CFAP299: variants seen among roughly 807,000 people sequenced by gnomAD.
CFAP299 encodes the protein cilia- and flagella-associated protein 299.
Under a neutral mutation model 27.0 loss-of-function variants are expected in CFAP299, and 21 were observed. That is an observed-to-expected ratio of 0.78 (90% CI 0.55 to 1.12). The LOEUF is 1.12. Among genes scored for constraint, CFAP299 ranks in the 50% most tolerant of loss-of-function variants. The probability of loss-of-function intolerance (pLI) is 0.00; values close to 1 mark genes in which losing one functional copy is unlikely to be tolerated. For missense variants in CFAP299, 310 were observed against 276.6 expected (o/e 1.12, Z -0.86); for synonymous variants, 104 against 98.1 (o/e 1.06, Z -0.36).
chr4:80,848,692 G>C (rs72865120), intron 3 of CFAP299, among the ~76,000 whole-genome samples: 6,918 of 152,060 alleles, frequency 0.045, 306 homozygotes, highest in African/African-American at 0.12. Context: ...CGGAGGATCA[G>C]TTGAGCCCAG....
chr4:80,485,747 A>G (rs1730785906), intron 2 of CFAP299, among the ~76,000 whole-genome samples: 1 of 152,190 alleles, frequency 6.6e-6, no homozygotes, highest in Non-Finnish European at 1.5e-5. Flanking sequence ...GTTAACTAAA[A>G]ACATTAAGTC....
At chr4:80,554,459 C>G (rs576400553) in intron 2 of CFAP299, among the ~76,000 whole-genome samples, 1 of 149,594 alleles carries the variant, frequency 6.7e-6, no homozygotes, top group South Asian at 2.1e-4. Flanking sequence ...TTTTGCATTG[C>G]CCTGGCTATT....
chr4:80,770,915 C>T (rs976770114), intron 3 of CFAP299, among the ~76,000 whole-genome samples: 15 of 152,144 alleles, frequency 9.9e-5, no homozygotes, highest in Middle Eastern at 3.2e-3. Flanking sequence ...TCTTTCTGAC[C>T]GCAAGCATTC....
intron 2 of CFAP299, among the ~76,000 whole-genome samples, chr4:80,392,930 A>C (rs1725567971): frequency 6.6e-6 from 1 of 152,190 alleles, no homozygotes; most frequent in Non-Finnish European, 1.5e-5. Context: ...AAACAGCCTC[A>C]GGCAGGTCCT....
chr4:80,679,743 T>G (rs1372303889), intron 3 of CFAP299, among the ~76,000 whole-genome samples: 2 of 3,064 alleles, frequency 6.5e-4, no homozygotes, highest in African/African-American at 9.1e-4. Context: ...TGTGTGTGGG[T>G]TTTTTTTTTT....
rs375385127 is a variant in CFAP299 at position 80,419,189 on chromosome 4, C to G, written c.242+56305C>G. On this transcript the variant is annotated intron_variant, in intron 2 of 5. Coordinates refer to ENST00000358105, the MANE Select transcript of CFAP299 (RefSeq NM_152770.3). Reference sequence around the variant, plus strand: ...CAGAAATGAAAAGATATAAAGTACACTTGGAAGAGGGCCAAGGGGGCAACT... The same window carrying G: ...CAGAAATGAAAAGATATAAAGTACAGTTGGAAGAGGGCCAAGGGGGCAACT... 7.9e-5 allele frequency among the ~76,000 whole-genome samples: 12 copies of G among 151,862 alleles called. No homozygotes were observed. The East Asian group carries it at 1.2e-3, about 15-fold the overall frequency.
chr4:80,925,682 G>T (rs996423154), intron 4 of CFAP299, among the ~76,000 whole-genome samples: 7 of 151,966 alleles, frequency 4.6e-5, no homozygotes, highest in African/African-American at 1.7e-4. Flanking sequence ...TGAAAAAAAA[G>T]ACTAAAGATG....
chr4:80,945,486 G>C (rs979694528), intron 5 of CFAP299, among the ~76,000 whole-genome samples: 1 of 151,962 alleles, frequency 6.6e-6, no homozygotes, highest in Non-Finnish European at 1.5e-5. Flanking sequence ...TTTACATCTT[G>C]CATATTTTCA....
At chr4:80,893,325 T>C (rs1255833149) in intron 4 of CFAP299, among the ~76,000 whole-genome samples, 1 of 151,838 alleles carries the variant, frequency 6.6e-6, no homozygotes, top group African/African-American at 2.4e-5. Context: ...TACAGAATCA[T>C]TGCAATATCC....
chr4:80,582,688 C>G (rs1047848224), intron 2 of CFAP299, among the ~76,000 whole-genome samples: 2 of 151,824 alleles, frequency 1.3e-5, no homozygotes, highest in Admixed American at 6.6e-5. Context: ...ATGCTCTACT[C>G]CAGTAACTGC....
At chr4:80,671,565 A>G (rs2109993799) in intron 3 of CFAP299, among the ~76,000 whole-genome samples, 1 of 152,258 alleles carries the variant, frequency 6.6e-6, no homozygotes, top group Admixed American at 6.5e-5. Flanking sequence ...GATGGCATTG[A>G]ATCTATAAAT....
intron 2 of CFAP299, among the ~76,000 whole-genome samples, chr4:80,535,494 CAAA>C (rs143122836): frequency 6.0e-5 from 2 of 33,252 alleles, no homozygotes; most frequent in Non-Finnish European, 1.6e-4. Context: ...GACTCCGTCT[CAAA>C]AAAAAAAAAA....
At chr4:80,554,505 G>GTTTTT (rs869288835) in intron 2 of CFAP299, among the ~76,000 whole-genome samples, 36 of 108,714 alleles carry the variant, frequency 3.3e-4, no homozygotes, top group East Asian at 5.8e-4. Context: ...TTTTCCACTA[G>GTTTTT]TTTTTTTTTT....
At chr4:80,613,079 C>A (rs2109919911) in intron 3 of CFAP299, among the ~76,000 whole-genome samples, 1 of 152,190 alleles carries the variant, frequency 6.6e-6, no homozygotes, top group East Asian at 1.9e-4. Flanking sequence ...ACTTATTTCA[C>A]AAATAAGTAA....
At chr4:80,825,235 A>C (rs564842589) in intron 3 of CFAP299, among the ~76,000 whole-genome samples, 1 of 151,872 alleles carries the variant, frequency 6.6e-6, no homozygotes, top group East Asian at 1.9e-4. Context: ...AAAAGAAAAA[A>C]AATGATTGAA....
intron 4 of CFAP299, among the ~76,000 whole-genome samples, chr4:80,931,302 T>C (rs1320594116): frequency 6.6e-6 from 1 of 152,028 alleles, no homozygotes; most frequent in African/African-American, 2.4e-5. Flanking sequence ...ACAGAACTAC[T>C]TTGAAGCCAG....
At position 80,963,628 on chromosome 4, in the gene CFAP299, T is replaced by C. The variant is rs777764257; in HGVS notation, c.*16T>C. 1.3e-6 allele frequency: 2 copies of C among 1,504,658 alleles called. No individual in the cohort carries two copies. The highest frequency in any genetic ancestry group is 1.2e-5 in the South Asian group (1 of 85,760). 93.2% of individuals were successfully genotyped at this position (1,504,658 alleles called of 1,614,324 possible). A position where few individuals can be genotyped will look rare whatever the true frequency, so the allele number is the denominator to read the frequency against. ...GAAGACTTAAGTACCAACATGTTAA[T>C]TTCCTAATAATTTGCTAAATTTAAA... On this transcript the variant is annotated 3_prime_UTR_variant, in exon 6 of 6. Coordinates refer to ENST00000358105, the MANE Select transcript of CFAP299 (RefSeq NM_152770.3).
chr4:80,725,701 G>T (rs1332807920), intron 3 of CFAP299, among the ~76,000 whole-genome samples: 2 of 152,216 alleles, frequency 1.3e-5, no homozygotes, highest in African/African-American at 4.8e-5. Context: ...GTAGCTAGTA[G>T]AAAAAGGTGC....
chr4:80,601,793 G>A (rs1737365370), intron 3 of CFAP299, among the ~76,000 whole-genome samples: 1 of 152,106 alleles, frequency 6.6e-6, no homozygotes, highest in Non-Finnish European at 1.5e-5. Context: ...AAAAATTGCA[G>A]CACTATTCAC....
Sources: allele counts gnomAD v4.1 joint callset (sites outside exome capture counted in the v4.1 genomes callset), GRCh38; gene constraint gnomAD v4.1.1; transcripts MANE v1.5; gene names NCBI Gene and HGNC (gene_info 2026-07-23, HGNC 2026-07-21).